SMARCA1: variants seen among roughly 807,000 people sequenced by gnomAD.
SMARCA1 encodes the protein SNF2 related chromatin remodeling ATPase 1, also known as SWI/SNF-related matrix-associated actin-dependent regulator of chromatin subfamily A member 1.
In SMARCA1, 17 loss-of-function variants were observed where a neutral mutation model predicts 93.6. That is an observed-to-expected ratio of 0.18 (90% CI 0.12 to 0.27). SMARCA1 has a LOEUF of 0.27. Ranked by LOEUF, SMARCA1 falls within the 10% of genes least tolerant of loss-of-function variation. SMARCA1 has a pLI of 1.00. For synonymous variants in SMARCA1, 271 were observed against 271.4 expected, an observed-to-expected ratio of 1.00 and a Z score of 0.01; for missense variants, 630 against 819.0, an observed-to-expected ratio of 0.77 and a Z score of 2.82.
In SMARCA1 at chrX:129,523,341, G is replaced by A; in HGVS notation, c.30C>T (p.Ala10=). Reference sequence around the variant, plus strand: ...CGGTCGCATCCGCGGCTGCCACGGTGGCTGCCACTGCGGCAGTGTCCTGCT... The same window carrying A: ...CGGTCGCATCCGCGGCTGCCACGGTAGCTGCCACTGCGGCAGTGTCCTGCT... MEQDTAAVA[A]TVAAADATAT... The change falls in exon 1 of 25, where the codon GCC becomes GCT. Residue 10 remains alanine, a synonymous_variant. Coordinates refer to ENST00000371121, the MANE Select transcript of SMARCA1 (RefSeq NM_001282874.2). The A allele has an allele frequency of 8.4e-7, 1 of 1,196,376 alleles. No individual in the cohort carries two copies. Among genetic ancestry groups the A allele is most frequent in the South Asian group, 1.8e-5 (1 of 55,331 alleles).
chrX:129,479,791 AG>A (rs1475028330), intron 19 of SMARCA1, among the ~76,000 whole-genome samples: 1 of 109,802 alleles, frequency 9.1e-6, no homozygotes, highest in Non-Finnish European at 1.9e-5. Flanking sequence ...TTCACCTCCC[AG>A]GATCAAGCGA....
chrX:129,468,421 G>A (rs774887298), intron 21 of SMARCA1, among the ~76,000 whole-genome samples: 92 of 111,920 alleles, frequency 8.2e-4, no homozygotes, highest in Middle Eastern at 4.6e-3. Flanking sequence ...AGAAAGGCAC[G>A]AATTCAATCC....
At position 129,499,724 on chromosome X, in the gene SMARCA1, T is replaced by C. The variant is rs1327333376; in HGVS notation, c.1277+8A>G. 3 of 974,572 alleles carry C rather than the reference T, an allele frequency of 3.1e-6. No homozygotes were observed. The highest frequency in any genetic ancestry group is 4.3e-6 in the Non-Finnish European group (3 of 690,234). The allele number at this position is 974,572 out of a possible 1,213,427, so 80.3% of individuals were successfully genotyped here. On this transcript the variant is annotated splice_region_variant and intron_variant, in intron 10 of 24. Coordinates refer to ENST00000371121, the MANE Select transcript of SMARCA1 (RefSeq NM_001282874.2). ...CAAATAAGTTTTAAAGGAAATGAAA[T>C]AGCTCACCATTCTCGTTGCATCTTA...
At chrX:129,517,464 C>T (rs1300030827) in intron 2 of SMARCA1, among the ~76,000 whole-genome samples, 1 of 110,751 alleles carries the variant, frequency 9.0e-6, no homozygotes, top group African/African-American at 3.3e-5. Flanking sequence ...TTAACATAAA[C>T]ATAAGAGTTA....
intron 23 of SMARCA1, among the ~76,000 whole-genome samples, chrX:129,461,894 A>G (rs1320716801): frequency 8.9e-6 from 1 of 111,955 alleles, no homozygotes; most frequent in Non-Finnish European, 1.9e-5. Context: ...GCACAGAGAA[A>G]TTGAACTGAA....
chrX:129,468,590 G>A lies in SMARCA1; in HGVS notation c.2698+183C>T, dbSNP rs139845290. Among the ~76,000 whole-genome samples, 234 of 112,157 alleles carry A rather than the reference G, an allele frequency of 2.1e-3. 6 individuals carry two copies. The East Asian group carries it at 0.04, about 19-fold the overall frequency. The stretch of plus-strand genomic sequence containing the variant: ...TGATAGAGACAATAGCAGTCAGTTT[G>A]TTAGGATAAATCTTATAACCTTTCT... On this transcript the variant is annotated intron_variant, in intron 21 of 24. Transcript: ENST00000371121.
chrX:129,486,835 T>TGATGATGATGAC (rs749662735), intron 17 of SMARCA1, among the ~76,000 whole-genome samples, 183 bp downstream of exon 17: 4 of 109,922 alleles, frequency 3.6e-5, no homozygotes, highest in African/African-American at 1.3e-4. Flanking sequence ...ATGATGATGA[T>TGATGATGATGAC]GACGACGACG....
At chrX:129,480,527 G>A (rs1331849354) in intron 19 of SMARCA1, among the ~76,000 whole-genome samples, 174 bp downstream of exon 19, 1 of 111,954 alleles carries the variant, frequency 8.9e-6, no homozygotes, top group African/African-American at 3.2e-5. Flanking sequence ...TGGTGATTCA[G>A]TGGTTAGATG....
chrX:129,458,603 T>C (rs1205577217), intron 23 of SMARCA1, among the ~76,000 whole-genome samples: 4 of 112,380 alleles, frequency 3.6e-5, no homozygotes, highest in South Asian at 3.7e-4. Flanking sequence ...AAAGCTTCAA[T>C]TCAAAAGGCA....
At chrX:129,463,633 T>G (rs5975115) in intron 23 of SMARCA1, among the ~76,000 whole-genome samples, 13,633 of 111,314 alleles carry the variant, frequency 0.12, 613 homozygotes, top group East Asian at 0.24. Flanking sequence ...CACTTTACAT[T>G]TATCCCTATT....
intron 2 of SMARCA1, among the ~76,000 whole-genome samples, chrX:129,517,647 T>A (rs1269609987): frequency 1.8e-5 from 2 of 110,885 alleles, no homozygotes; most frequent in African/African-American, 6.5e-5. Flanking sequence ...ATTTCATCTA[T>A]ACTTATTTTT....
chrX:129,513,480 C>T (rs771889343), intron 5 of SMARCA1, among the ~76,000 whole-genome samples: 18 of 106,980 alleles, frequency 1.7e-4, no homozygotes, highest in Non-Finnish European at 3.1e-4. Flanking sequence ...GCAATGATCA[C>T]GCCATTGCAC....
At chrX:129,510,228 T>C (rs1934975835) in intron 6 of SMARCA1, among the ~76,000 whole-genome samples, 1 of 112,331 alleles carries the variant, frequency 8.9e-6, no homozygotes, top group South Asian at 3.7e-4. Context: ...AACTTAAAAG[T>C]TTCTCAAAGC....
At chrX:129,493,621 A>G (rs1056963595) in intron 12 of SMARCA1, among the ~76,000 whole-genome samples, 1 of 111,694 alleles carries the variant, frequency 9.0e-6, no homozygotes, top group African/African-American at 3.3e-5. Context: ...ATGAATCACA[A>G]CTTCACCACT....
Position 129,497,019 on chromosome X carries a change from AC to A in SMARCA1, c.1505-149del, listed in dbSNP as rs202119095. On this transcript the variant is annotated intron_variant, in intron 11 of 24. Coordinates refer to ENST00000371121, the MANE Select transcript of SMARCA1 (RefSeq NM_001282874.2). ...CACGTGCACACACACACACACACAC[AC>A]ACCCCCACACACCTTCAAGAGATGC... The A allele has an allele frequency of 2.6e-3, 1,056 of 413,153 alleles. 6 individuals carry two copies. In the East Asian group the frequency reaches 0.039, roughly 15 times the overall value. 34.0% of individuals were successfully genotyped at this position (413,153 alleles called of 1,213,427 possible). A position where few individuals can be genotyped will look rare whatever the true frequency, so the allele number is the denominator to read the frequency against.
At chrX:129,504,246 C>T (rs1449409927) in intron 9 of SMARCA1, among the ~76,000 whole-genome samples, 1 of 112,009 alleles carries the variant, frequency 8.9e-6, no homozygotes, top group Non-Finnish European at 1.9e-5. Flanking sequence ...CCACTGCACT[C>T]CAGCCTGGCA....
At chrX:129,472,816 A>T (rs952270740) in intron 19 of SMARCA1, among the ~76,000 whole-genome samples, 1 of 112,131 alleles carries the variant, frequency 8.9e-6, no homozygotes, top group Non-Finnish European at 1.9e-5. Flanking sequence ...AAATGCTCCA[A>T]TGAGCAGCAT....
intron 9 of SMARCA1, among the ~76,000 whole-genome samples, 162 bp downstream of exon 9, chrX:129,504,572 A>AAAAAAAAAAC (rs1224005123): frequency 1.1e-4 from 11 of 101,640 alleles, no homozygotes; most frequent in African/African-American, 4.2e-4. Flanking sequence ...AAAAAAAAAA[A>AAAAAAAAAAC]AAAAAAAAAC....
intron 20 of SMARCA1, among the ~76,000 whole-genome samples, 186 bp from the exon 21 acceptor site, chrX:129,469,091 T>C (rs976631777): frequency 1.8e-5 from 2 of 112,552 alleles, no homozygotes; most frequent in Non-Finnish European, 3.8e-5. Context: ...TAGAAATAAC[T>C]GCTTTTCTAT....
Sources: allele counts gnomAD v4.1 joint callset (sites outside exome capture counted in the v4.1 genomes callset), GRCh38; gene constraint gnomAD v4.1.1; transcripts MANE v1.5; gene names NCBI Gene and HGNC (gene_info 2026-07-23, HGNC 2026-07-21).